Variants in NAV2 observed in about 807,000 individuals in gnomAD.
NAV2 encodes the protein helicase, APC down-regulated 1.
In NAV2, 54 loss-of-function variants were observed where a neutral mutation model predicts 223.2. The observed-to-expected ratio is 0.24, with a 90% CI of 0.19 to 0.30. The LOEUF (loss-of-function observed/expected upper bound fraction) is 0.30, where lower values mean the gene tolerates loss of function less well. NAV2 is among the 10% of genes least tolerant of loss of function. The pLI, the probability that NAV2 is intolerant of heterozygous loss-of-function variation, is 1.00. For missense variants in NAV2, 2,806 were observed against 3,147.5 expected, an observed-to-expected ratio of 0.89 and a Z score of 2.60; for synonymous variants, 1,279 against 1,239.3, an observed-to-expected ratio of 1.03 and a Z score of -0.67.
rs534057723 is a variant in NAV2 at position 19,620,805 on chromosome 11, G to A, written c.76-211679G>A. Among the ~76,000 whole-genome samples, 158 of 152,248 alleles carry A rather than the reference G, an allele frequency of 1.0e-3. 2 individuals carry two copies. Among genetic ancestry groups the A allele is most frequent in the Admixed American group, 4.5e-3 (69 of 15,300 alleles). On this transcript the variant is annotated intron_variant, in intron 1 of 37. Transcript: ENST00000360655. ...AGAACTTCCAACACTATGTTGAATAGGAGTGGTGAGAGAGGGCATCCCTGT... is the reference window on the plus strand; with the variant it reads ...AGAACTTCCAACACTATGTTGAATAAGAGTGGTGAGAGAGGGCATCCCTGT...
At chr11:19,403,579 A>G (rs1849773467) in intron 1 of NAV2, among the ~76,000 whole-genome samples, 1 of 152,356 alleles carries the variant, frequency 6.6e-6, no homozygotes, top group South Asian at 2.1e-4. Flanking sequence ...ACAGAATGGG[A>G]TGCCATTTGT....
intron 1 of NAV2, among the ~76,000 whole-genome samples, chr11:19,523,242 G>T (rs1205749639): frequency 1.3e-5 from 2 of 152,132 alleles, no homozygotes; most frequent in East Asian, 3.9e-4. Flanking sequence ...CCTCCTGCCC[G>T]GTCCTCCTGT....
chr11:19,345,314 A>G, the NAV2 span, among the ~76,000 whole-genome samples: 3 of 152,202 alleles, frequency 2.0e-5, no homozygotes, highest in South Asian at 4.1e-4. The surrounding 1 kb of genome is among the most constrained non-coding windows in gnomAD (Gnocchi z 5.2). Flanking sequence ...GGGCGCAGGT[A>G]GGAACCCCCT....
rs376764950 is a variant in NAV2 at position 19,950,664 on chromosome 11, C to T, written c.2645+1584C>T. ...GTAGTGAAATCTTTGAAAACAGAAT[C>T]CACCAAACCTTTTGCAGGGGCAAAA... is the stretch of plus-strand genomic sequence containing the variant. On this transcript the variant is annotated intron_variant, in intron 10 of 37. Transcript: ENST00000349880. Among the ~76,000 whole-genome samples, 154 of 152,300 alleles carry T rather than the reference C, an allele frequency of 1.0e-3. 1 individual carries two copies. In the South Asian group the frequency reaches 0.03, roughly 30 times the overall value.
chr11:19,414,268 C>A (rs7948699), intron 1 of NAV2, among the ~76,000 whole-genome samples: 131,428 of 151,924 alleles, frequency 0.87, 57,484 homozygotes, highest in East Asian at 0.94. Context: ...AAACAACCAA[C>A]CAAACAAACA....
At chr11:20,039,423 C>T (rs767158327) in intron 12 of NAV2, among the ~76,000 whole-genome samples, 1 of 152,078 alleles carries the variant, frequency 6.6e-6, no homozygotes, top group African/African-American at 2.4e-5. Context: ...TTTCTCTTAT[C>T]TCTCCCTCCC....
Position 19,934,095 on chromosome 11 carries a change from G to A in NAV2, c.1851G>A (p.Ala617=), listed in dbSNP as rs531952049. The change falls in exon 7 of 38, where the codon GCG becomes GCA. Residue 617 remains alanine, a synonymous_variant. Transcript: ENST00000349880. The part of the protein sequence containing the change: ...GRHSSSSSSL[A]SSEGKGPGGT... ...ACTCCAGTTCCTCTTCCAGCCTGGC[G>A]TCCTCAGAAGGAAAAGGCCCAGGAG... The A allele has an allele frequency of 4.6e-5, 74 of 1,613,200 alleles. No individual in the cohort carries two copies. Among genetic ancestry groups the A allele is most frequent in the Admixed American group, 2.5e-4 (15 of 59,860 alleles).
intron 8 of NAV2, among the ~76,000 whole-genome samples, chr11:19,941,211 A>T (rs1330298487): frequency 6.6e-6 from 1 of 151,982 alleles, no homozygotes; most frequent in South Asian, 2.1e-4. Flanking sequence ...TTTTCTTTTT[A>T]TCTCCATGTC....
intron 6 of NAV2, among the ~76,000 whole-genome samples, chr11:19,915,887 A>G (rs2043760904): frequency 6.6e-6 from 1 of 152,168 alleles, no homozygotes; most frequent in African/African-American, 2.4e-5. Flanking sequence ...TTGTTGGTAT[A>G]GTGAATAAAT....
intron 1 of NAV2, among the ~76,000 whole-genome samples, chr11:19,475,563 A>C (rs2042089415): frequency 2.0e-5 from 3 of 152,170 alleles, no homozygotes; most frequent in Admixed American, 2.0e-4. Context: ...TATGTTGAAC[A>C]CTGCTGTTTG....
intron 7 of NAV2, among the ~76,000 whole-genome samples, chr11:19,939,100 A>C (rs760670731): frequency 6.6e-6 from 1 of 152,198 alleles, no homozygotes; most frequent in Non-Finnish European, 1.5e-5. Context: ...CAAGTGTTGA[A>C]ATAATGATCA....
At chr11:19,791,429 G>A (rs575774154) in intron 1 of NAV2, among the ~76,000 whole-genome samples, 2 of 152,254 alleles carry the variant, frequency 1.3e-5, no homozygotes, top group Admixed American at 6.5e-5. Flanking sequence ...CCTGGCCCAG[G>A]TGTGGAGCCC....
intron 1 of NAV2, among the ~76,000 whole-genome samples, chr11:19,568,912 A>G (rs2045347958): frequency 6.6e-6 from 1 of 152,206 alleles, no homozygotes; most frequent in Non-Finnish European, 1.5e-5. Flanking sequence ...TGGGTCTCCT[A>G]CGCATCTTCT....
chr11:19,351,338 C>G (rs534445238), intron 1 of NAV2, among the ~76,000 whole-genome samples: 6 of 152,218 alleles, frequency 3.9e-5, no homozygotes, highest in African/African-American at 1.4e-4. Context: ...TTTCTTTGTA[C>G]TGAAGCCCCC....
chr11:19,373,207 G>T (rs1433713115), intron 1 of NAV2, among the ~76,000 whole-genome samples: 1 of 152,140 alleles, frequency 6.6e-6, no homozygotes, highest in Non-Finnish European at 1.5e-5. Context: ...CTGGGATTTT[G>T]TAGGTGATCT....
At chr11:19,922,335 T>C (rs917737381) in intron 6 of NAV2, among the ~76,000 whole-genome samples, 1 of 152,220 alleles carries the variant, frequency 6.6e-6, no homozygotes, top group Admixed American at 6.5e-5. Flanking sequence ...AGAGTTCTTC[T>C]ACCGTTGCCT....
At chr11:20,027,544 G>A in intron 11 of NAV2, 1 of 855,712 alleles carries the variant, frequency 1.2e-6, no homozygotes, top group Non-Finnish European at 1.4e-6. Context: ...AGAGGGGCGG[G>A]GGCTGGCCCA....
intron 1 of NAV2, among the ~76,000 whole-genome samples, chr11:19,383,018 G>T (rs906526743): frequency 1.3e-5 from 2 of 152,220 alleles, no homozygotes; most frequent in African/African-American, 4.8e-5. Flanking sequence ...TCTGACTCCA[G>T]GGTATCTACA....
At chr11:19,562,359 A>T (rs1236535332) in intron 1 of NAV2, among the ~76,000 whole-genome samples, 4 of 152,186 alleles carry the variant, frequency 2.6e-5, no homozygotes, top group Non-Finnish European at 5.9e-5. Context: ...GTTGACAAGC[A>T]GAGTAGCCCC....
Sources: allele counts gnomAD v4.1 joint callset (sites outside exome capture counted in the v4.1 genomes callset), GRCh38; gene constraint gnomAD v4.1.1; non-coding constraint Gnocchi (gnomAD v3.1); transcripts MANE v1.5; gene names NCBI Gene and HGNC (gene_info 2026-07-23, HGNC 2026-07-21).